CCDC171: variants seen among roughly 807,000 people sequenced by gnomAD.
CCDC171 encodes coiled-coil domain containing 171, also known as coiled-coil domain-containing protein 171.
In CCDC171, 177 loss-of-function variants were observed where a neutral mutation model predicts 168.2. The observed-to-expected ratio is 1.05, with a 90% confidence interval of 0.93 to 1.19. The LOEUF (loss-of-function observed/expected upper bound fraction) is 1.19. CCDC171 is among the 50% of genes most tolerant of loss of function. The pLI is 0.00. For missense variants in CCDC171, 1,991 were observed against 1,539.0 expected (o/e 1.29, Z -4.91); for synonymous variants, 687 against 540.8 (o/e 1.27, Z -3.75).
intron 3 of CCDC171, among the ~76,000 whole-genome samples, chr9:15,575,423 C>G (rs971041883): frequency 6.6e-6 from 1 of 152,086 alleles, no homozygotes; most frequent in Non-Finnish European, 1.5e-5. Context: ...ATCCACCCAC[C>G]TTGGCCTCCC....
intron 1 of CCDC171, among the ~76,000 whole-genome samples, chr9:16,044,438 T>C (rs1212254156): frequency 1.3e-5 from 2 of 151,954 alleles, no homozygotes; most frequent in Non-Finnish European, 2.9e-5. Flanking sequence ...TAGGGTTTTC[T>C]TTTAATGGCT....
chr9:15,887,175 G>A (rs1436746711), intron 24 of CCDC171, among the ~76,000 whole-genome samples: 1 of 152,074 alleles, frequency 6.6e-6, no homozygotes, highest in African/African-American at 2.4e-5. Context: ...TAGCTTGATT[G>A]TGGTAATAAT....
intron 24 of CCDC171, among the ~76,000 whole-genome samples, chr9:15,911,928 C>G (rs1010210137): frequency 1.3e-5 from 2 of 152,172 alleles, no homozygotes; most frequent in Admixed American, 1.3e-4. Flanking sequence ...GGTACCAGTA[C>G]CATGCCGTTT....
At chr9:15,861,094 T>C (rs2061538378) in intron 23 of CCDC171, among the ~76,000 whole-genome samples, 1 of 151,918 alleles carries the variant, frequency 6.6e-6, no homozygotes, top group Non-Finnish European at 1.5e-5. Flanking sequence ...ATATATCCAC[T>C]CCTACTCTTT....
At chr9:16,061,811 G>A (rs1833933864), downstream of CCDC171, 1 of 152,128 alleles carries the variant, frequency 6.6e-6, no homozygotes, top group African/African-American at 2.4e-5. Context: ...ACTTGTCCAT[G>A]GTAAAGCTGA....
chr9:15,754,298 T>C (rs537165671), intron 18 of CCDC171, among the ~76,000 whole-genome samples: 1 of 152,286 alleles, frequency 6.6e-6, no homozygotes, highest in Admixed American at 6.5e-5. Context: ...TATCTAGTTA[T>C]CAGTTGTGTG....
chr9:16,055,439 A>G (rs1833823923), intron 1 of CCDC171, among the ~76,000 whole-genome samples: 1 of 151,910 alleles, frequency 6.6e-6, no homozygotes, highest in African/African-American at 2.4e-5. Flanking sequence ...GGAAGAGGAG[A>G]CCGGTGTAGT....
chr9:16,024,516 C>G (rs1441862597), intron 6 of CCDC171, among the ~76,000 whole-genome samples: 1 of 152,160 alleles, frequency 6.6e-6, no homozygotes, highest in East Asian at 1.9e-4. Flanking sequence ...AGAAGAACCC[C>G]TCATAGGCAT....
chr9:15,950,529 C>T (rs1245981103), intron 25 of CCDC171, among the ~76,000 whole-genome samples: 1 of 151,982 alleles, frequency 6.6e-6, no homozygotes, highest in Non-Finnish European at 1.5e-5. Flanking sequence ...AACTAAGCTT[C>T]ATAAGTGAAG....
intron 18 of CCDC171, among the ~76,000 whole-genome samples, chr9:15,767,207 C>G (rs940669942): frequency 1.3e-5 from 2 of 152,150 alleles, no homozygotes; most frequent in East Asian, 3.9e-4. Flanking sequence ...GATCAGATGT[C>G]TGAAATAGGT....
chr9:15,813,444 C>A (rs990841589), intron 21 of CCDC171, among the ~76,000 whole-genome samples: 2 of 152,096 alleles, frequency 1.3e-5, no homozygotes, highest in Admixed American at 1.3e-4. Flanking sequence ...TTTGAGCCAT[C>A]ATACATTTTG....
Position 15,821,474 on chromosome 9 carries a change from G to A in CCDC171, c.3268-25228G>A, listed in dbSNP as rs1243287928. ...GCCCAAAATCTCCTTGAGCTGATAA[G>A]CAACTTCAGCAAAGTCTCAGGATAC... On this transcript the variant is annotated intron_variant, in intron 21 of 25. Coordinates refer to ENST00000380701, the MANE Select transcript of CCDC171 (RefSeq NM_173550.4). Among the ~76,000 whole-genome samples, 5 of 117,336 alleles carry A rather than the reference G, an allele frequency of 4.3e-5. 2 individuals are homozygous for A. Among genetic ancestry groups the A allele is most frequent in the Non-Finnish European group, 7.6e-5 (4 of 52,294 alleles). 77.0% of individuals were successfully genotyped at this position (117,336 alleles called of 152,430 possible).
chr9:15,899,009 A>G (rs1222873179), intron 24 of CCDC171, among the ~76,000 whole-genome samples: 1 of 152,168 alleles, frequency 6.6e-6, no homozygotes, highest in African/African-American at 2.4e-5. Context: ...CAGCCACTAA[A>G]TAGTTTCCAT....
chr9:15,654,726 C>T (rs146379078), intron 7 of CCDC171, among the ~76,000 whole-genome samples: 3 of 152,194 alleles, frequency 2.0e-5, no homozygotes, highest in East Asian at 1.9e-4. Flanking sequence ...GCGTGAGCGA[C>T]GCAGAAGACG....
intron 6 of CCDC171, among the ~76,000 whole-genome samples, chr9:15,610,632 A>C (rs544841325): frequency 6.6e-6 from 1 of 151,532 alleles, no homozygotes; most frequent in South Asian, 2.1e-4. Context: ...CTGTCTAAAA[A>C]AAAAAACAAA....
chr9:16,065,383 A>T (rs908554296), downstream of CCDC171, among the ~76,000 whole-genome samples: 1 of 151,992 alleles, frequency 6.6e-6, no homozygotes, highest in Admixed American at 6.6e-5. Context: ...CTCGGGGCTA[A>T]TGGGAGATTG....
chr9:15,627,487 GA>G (rs200009426), intron 7 of CCDC171, among the ~76,000 whole-genome samples: 1,687 of 152,246 alleles, frequency 0.011, 32 homozygotes, highest in African/African-American at 0.038. Context: ...ACGCTGGTTT[GA>G]ATGTGTCCCA....
chr9:16,011,001 TA>T (rs888367101), intron 3 of CCDC171, among the ~76,000 whole-genome samples: 75 of 152,148 alleles, frequency 4.9e-4, no homozygotes, highest in African/African-American at 1.8e-3. Context: ...TTTATTCAGT[TA>T]AAAGACACTG....
chr9:15,587,471 G>C (rs1054319436), intron 4 of CCDC171: 3 of 356,286 alleles, frequency 8.4e-6, no homozygotes, highest in Non-Finnish European at 1.7e-5. Context: ...TGATTGTGAG[G>C]CTTCCCCAGC....
Sources: allele counts gnomAD v4.1 joint callset (sites outside exome capture counted in the v4.1 genomes callset), GRCh38; gene constraint gnomAD v4.1.1; transcripts MANE v1.5; gene names NCBI Gene and HGNC (gene_info 2026-07-23, HGNC 2026-07-21).